Variants in MICAL2 observed in about 807,000 individuals in gnomAD.
MICAL2 encodes the protein microtubule associated monooxygenase, calponin and LIM domain containing 2, also known as [F-actin]-monooxygenase MICAL2.
Under a neutral mutation model 127.3 loss-of-function variants are expected in MICAL2, and 77 were observed. That is an observed-to-expected ratio of 0.60 (90% CI 0.50 to 0.73). The LOEUF (loss-of-function observed/expected upper bound fraction) is 0.73, where lower values mean the gene tolerates loss of function less well. Among genes scored for constraint, MICAL2 ranks in the 30% least tolerant of loss-of-function variants. The pLI is 0.00. For synonymous variants in MICAL2, 570 were observed against 551.1 expected (o/e 1.03, Z -0.48); for missense variants, 1,351 against 1,434.4 (o/e 0.94, Z 0.94).
intron 24 of MICAL2, 102 bp downstream of exon 24, chr11:12,257,073 T>G: frequency 8.2e-7 from 1 of 1,220,294 alleles, no homozygotes; most frequent in Non-Finnish European, 1.1e-6. Flanking sequence ...CACCCAAACA[T>G]ACCCAAAAGG....
intron 1 of MICAL2, among the ~76,000 whole-genome samples, chr11:12,128,735 T>C (rs1380652657): frequency 6.6e-6 from 1 of 152,200 alleles, no homozygotes; most frequent in Non-Finnish European, 1.5e-5. Context: ...TGAAACCCAT[T>C]TTGGTTTCCC....
chr11:12,289,552 T>TC (rs1863869108), downstream of MICAL2, among the ~76,000 whole-genome samples: 1 of 75,958 alleles, frequency 1.3e-5, no homozygotes, highest in Non-Finnish European at 3.2e-5. Flanking sequence ...ACTGGGCACC[T>TC]CTTGTTTTTT....
At chr11:12,257,117 G>T in intron 24 of MICAL2, 146 bp downstream of exon 24, 2 of 859,930 alleles carry the variant, frequency 2.3e-6, no homozygotes, top group Admixed American at 6.4e-5. Context: ...TGCTCAGGGA[G>T]ACTGGGAGCT....
rs78682404 is a variant in MICAL2 at position 12,220,415 on chromosome 11, C to G, written c.1163C>G (p.Ala388Gly). The change falls in exon 9 of 28, where the codon GCG becomes GGG. Residue 388 changes from alanine to glycine, a missense_variant. Ala to Gly is a moderately conservative substitution (Grantham distance 60, BLOSUM62 0). Around this residue, in one of 2 missense-constraint regions of MICAL2, gnomAD observed 599 missense variants for 714.9 expected, o/e 0.84. Transcript: ENST00000683283. ...ENAALVRERQAHQLLVALVGD... is the reference protein window; with the variant it reads ...ENAALVRERQGHQLLVALVGD... ...GCGGCCCTGGTGCGGGAGCGGCAGG[C>G]GCACCAGCTGCTCGTGGCCCTTGTG... 6.2e-7 allele frequency: 1 copy of G among 1,611,704 alleles called. No homozygotes were observed. Among genetic ancestry groups the G allele is most frequent in the Non-Finnish European group, 8.5e-7 (1 of 1,179,888 alleles).
At chr11:12,301,494 CT>C (rs1864046596) in intron 29 of MICAL2, among the ~76,000 whole-genome samples, 1 of 152,146 alleles carries the variant, frequency 6.6e-6, no homozygotes, top group Non-Finnish European at 1.5e-5. Context: ...TACATATGTG[CT>C]TGTGTCTGTT....
At chr11:12,328,024 A>G (rs767824826) in intron 32 of MICAL2, among the ~76,000 whole-genome samples, 3 of 152,220 alleles carry the variant, frequency 2.0e-5, no homozygotes, top group Non-Finnish European at 4.4e-5. Context: ...TCCTTTATAG[A>G]ACTGATATAA....
intron 1 of MICAL2, among the ~76,000 whole-genome samples, chr11:12,117,698 G>C (rs1850151595): frequency 6.6e-6 from 1 of 152,210 alleles, no homozygotes; most frequent in South Asian, 2.1e-4. Flanking sequence ...AATGGGGGTT[G>C]GGTGCTGTGT....
chr11:12,321,493 C>G (rs1198018848), intron 30 of MICAL2, among the ~76,000 whole-genome samples: 1 of 152,160 alleles, frequency 6.6e-6, no homozygotes, highest in Non-Finnish European at 1.5e-5. Flanking sequence ...CCACACCACA[C>G]CCAGATCTAA....
intron 3 of MICAL2, among the ~76,000 whole-genome samples, chr11:12,187,121 T>A (rs996414205): frequency 2.7e-4 from 41 of 152,224 alleles, no homozygotes; most frequent in African/African-American, 9.6e-4. Context: ...GGGCTCTGCC[T>A]CTTCCTCTTC....
chr11:12,316,733 T>A (rs1409326309), intron 29 of MICAL2, among the ~76,000 whole-genome samples: 4 of 152,212 alleles, frequency 2.6e-5, no homozygotes, highest in Non-Finnish European at 4.4e-5. Flanking sequence ...AATGTTACAT[T>A]GTAGCATGTC....
At chr11:12,221,868 C>T (rs1856855410) in intron 10 of MICAL2, 109 bp downstream of exon 10, 1 of 747,744 alleles carries the variant, frequency 1.3e-6, no homozygotes. Context: ...CCTCTGCCTC[C>T]TCCATTCTAC....
intron 15 of MICAL2, among the ~76,000 whole-genome samples, chr11:12,227,539 C>G (rs1857636337): frequency 6.6e-6 from 1 of 152,130 alleles, no homozygotes; most frequent in African/African-American, 2.4e-5. Context: ...CACATCTGTT[C>G]CATTAATTTG....
intron 2 of MICAL2, among the ~76,000 whole-genome samples, chr11:12,159,564 T>C (rs1441922768): frequency 6.6e-6 from 1 of 152,200 alleles, no homozygotes; most frequent in Non-Finnish European, 1.5e-5. Flanking sequence ...AAGTGGCTTG[T>C]GTGAGGCAAT....
intron 32 of MICAL2, among the ~76,000 whole-genome samples, chr11:12,340,137 T>C (rs1938836316): frequency 6.6e-6 from 1 of 152,186 alleles, no homozygotes; most frequent in African/African-American, 2.4e-5. Flanking sequence ...GACGGTCAAC[T>C]GTGTTTGCAA....
intron 6 of MICAL2, among the ~76,000 whole-genome samples, chr11:12,212,935 T>C (rs754616305): frequency 6.6e-6 from 1 of 152,250 alleles, no homozygotes; most frequent in South Asian, 2.1e-4. Context: ...TGTGGGTCTC[T>C]CATGAGTGTA....
At chr11:12,216,417 G>C (rs1856164491) in intron 8 of MICAL2, 98 bp downstream of exon 8, 2 of 885,128 alleles carry the variant, frequency 2.3e-6, no homozygotes, top group Non-Finnish European at 3.7e-6. Context: ...AACTGAGCGA[G>C]GGGAGGAGGG....
chr11:12,120,885 G>A (rs866156944), intron 1 of MICAL2, among the ~76,000 whole-genome samples: 2 of 152,210 alleles, frequency 1.3e-5, no homozygotes, highest in East Asian at 1.9e-4. Context: ...CTCCGTTCAC[G>A]GGAGGTGCAC....
At chr11:12,236,929 G>A (rs1353511095) in intron 16 of MICAL2, among the ~76,000 whole-genome samples, 1 of 152,196 alleles carries the variant, frequency 6.6e-6, no homozygotes, top group Non-Finnish European at 1.5e-5. Context: ...CCAGCCTACT[G>A]GCTGACCTCA....
chr11:12,122,772 G>T (rs1365381371), intron 1 of MICAL2, among the ~76,000 whole-genome samples: 1 of 152,156 alleles, frequency 6.6e-6, no homozygotes, highest in Admixed American at 6.5e-5. Flanking sequence ...AGTGAAGAAC[G>T]ATGGGCCACC....
Sources: gnomAD v4.1 joint callset for allele counts (sites outside exome capture counted in the v4.1 genomes callset) on GRCh38, gnomAD v4.1.1 for gene constraint, gnomAD v4.1.1 regional missense constraint, MANE v1.5 for transcripts, NCBI Gene and HGNC (gene_info 2026-07-23, HGNC 2026-07-21) for gene names.